KLK1: variants seen among roughly 807,000 people sequenced by gnomAD.
KLK1 encodes kallikrein-1.
KLK1 carries 22 observed loss-of-function variants against 23.3 expected under a neutral mutation model. That is an observed-to-expected ratio of 0.95 (90% CI 0.68 to 1.35). KLK1 has a LOEUF of 1.35. Ranked by LOEUF, KLK1 falls within the 40% of genes most tolerant of loss-of-function variation. The probability of loss-of-function intolerance (pLI) is 0.00; values close to 1 mark genes in which losing one functional copy is unlikely to be tolerated. For synonymous variants in KLK1, 140 were observed against 135.8 expected, an observed-to-expected ratio of 1.03 and a Z score of -0.21; for missense variants, 301 against 338.9, an observed-to-expected ratio of 0.89 and a Z score of 0.88.
intron 4 of KLK1, 22 bp downstream of exon 4, chr19:50,819,877 C>G (rs748891013): frequency 6.2e-7 from 1 of 1,612,308 alleles, no homozygotes; most frequent in South Asian, 1.1e-5. Context: ...CCTTCCAGAC[C>G]CTGGGGGCAG....
At position 50,821,816 on chromosome 19, in the gene KLK1, A is replaced by T; in HGVS notation, c.102T>A (p.His34Gln). The T allele has an allele frequency of 6.2e-7, 1 of 1,613,850 alleles. No homozygotes were observed. The highest frequency in any genetic ancestry group is 8.5e-7 in the Non-Finnish European group (1 of 1,179,940). ...ACAGAGCCGCCTGCCAGGGCTGGGAATGCTGCTCACACTCCCAGCCTCCCA... is the reference window on the plus strand; with the variant it reads ...ACAGAGCCGCCTGCCAGGGCTGGGATTGCTGCTCACACTCCCAGCCTCCCA... ...RIVGGWECEQ[H>Q]SQPWQAALYH... Residue 34 changes from histidine to glutamine, a missense_variant, in exon 2 of 5, where the codon CAT becomes CAA. Coordinates refer to ENST00000301420, the MANE Select transcript of KLK1 (RefSeq NM_002257.4). The surrounding 1 kb of genome is among the most constrained non-coding windows in gnomAD (Gnocchi z 5.6).
At position 50,821,865 on chromosome 19, in the gene KLK1, G is replaced by C; in HGVS notation, c.53C>G (p.Ala18Gly). Reference sequence around the variant, plus strand: ...CACAATCCGGGACTGAATCGGGGGCGCAGCACCTGCAGAGGCGGTGCTGGG... The same window carrying C: ...CACAATCCGGGACTGAATCGGGGGCCCAGCACCTGCAGAGGCGGTGCTGGG... ...LALSLGGTGA[A>G]PPIQSRIVGG... The change falls in exon 2 of 5, where the codon GCG becomes GGG. Residue 18 changes from alanine to glycine, a missense_variant. Coordinates refer to ENST00000301420, the MANE Select transcript of KLK1 (RefSeq NM_002257.4). The surrounding 1 kb of genome is among the most constrained non-coding windows in gnomAD (Gnocchi z 5.6). 1.2e-6 allele frequency: 2 copies of C among 1,607,362 alleles called. No individual in the cohort carries two copies. The highest frequency in any genetic ancestry group is 1.7e-6 in the Non-Finnish European group (2 of 1,176,118).
intron 3 of KLK1, 43 bp downstream of exon 3, chr19:50,820,111 G>A (rs904833036): frequency 1.9e-6 from 3 of 1,604,538 alleles, no homozygotes; most frequent in Non-Finnish European, 2.6e-6. Context: ...GGACGCAGGA[G>A]TCCCCATCCC....
At chr19:50,820,506 G>GTTGGGGCTGGGT in intron 2 of KLK1, 63 bp from the exon 3 acceptor site, 1 of 448,548 alleles carries the variant, frequency 2.2e-6, no homozygotes, top group Non-Finnish European at 4.3e-6. Context: ...TGGGGCAGGG[G>GTTGGGGCTGGGT]AGCATGGGGG....
At chr19:50,822,561 G>C in intron 1 of KLK1, 1 of 985,390 alleles carries the variant, frequency 1.0e-6, no homozygotes, top group Non-Finnish European at 1.2e-6. Flanking sequence ...GAGAGGTTTT[G>C]GGGTCCTTCC....
At chr19:50,820,810 C>G (rs189712927) in intron 2 of KLK1, 61 of 179,058 alleles carry the variant, frequency 3.4e-4, no homozygotes, top group African/African-American at 1.1e-3. Flanking sequence ...GGGAACAGAA[C>G]ACGGAAGGGA....
chr19:50,820,383 A>G lies in KLK1; in HGVS notation c.267T>C (p.Phe89=), dbSNP rs751228241. 2 of 1,613,640 alleles carry G rather than the reference A, an allele frequency of 1.2e-6. No individual in the cohort carries two copies. The highest frequency in any genetic ancestry group is 1.3e-5 in the African/African-American group (1 of 74,826). The change falls in exon 3 of 5, where the codon TTT becomes TTC. Residue 89 remains phenylalanine, a synonymous_variant. Transcript: ENST00000301420. ...NLFDDENTAQ[F]VHVSESFPHP... is the part of the protein sequence containing the mutation. ...GTGGGAAGCTCTCACTGACATGAAC[A>G]AACTGGGCTGTGTTTTCGTCGTCAA...
rs746541339 is a variant in KLK1, at chr19:50,819,252, G to A, written c.731C>T (p.Ala244Val). The change falls in exon 5 of 5, where the codon GCC becomes GTC. Residue 244 changes from alanine (A) to valine (V), a missense_variant. By Grantham distance (64) the Ala-to-Val change is moderately conservative. Coordinates refer to ENST00000301420, the MANE Select transcript of KLK1 (RefSeq NM_002257.4). ...PCGTPNKPSV[A>V]VRVLSYVKWI... ...CTTCACATAAGACAGCACTCTGACG[G>A]CGACAGAAGGCTTATTGGGGGTGCC... is the stretch of plus-strand genomic sequence containing the variant. The A allele has an allele frequency of 1.6e-5, 26 of 1,614,078 alleles. No individual in the cohort carries two copies. In the South Asian group the frequency reaches 2.7e-4, roughly 17 times the overall value.
chr19:50,821,855 A>G lies in KLK1; in HGVS notation c.63T>C (p.Ile21=). The G allele has an allele frequency of 6.2e-7, 1 of 1,610,546 alleles. No homozygotes were observed. Among genetic ancestry groups the G allele is most frequent in the Non-Finnish European group, 8.5e-7 (1 of 1,178,056 alleles). ...SLGGTGAAPP[I]QSRIVGGWEC... ...CCCAGCCTCCCACAATCCGGGACTG[A>G]ATCGGGGGCGCAGCACCTGCAGAGG... The change falls in exon 2 of 5, where the codon ATT becomes ATC. Residue 21 remains isoleucine, a synonymous_variant. Transcript: ENST00000301420. This position sits in a 1 kb window ranked among gnomAD's most constrained non-coding sequence, Gnocchi z 5.6.
chr19:50,822,493 G>A, intron 1 of KLK1: 1 of 985,450 alleles, frequency 1.0e-6, no homozygotes, highest in Non-Finnish European at 1.2e-6. Flanking sequence ...TAGATTTCAG[G>A]GCTTCCTGGT....
chr19:50,819,440 G>C, intron 4 of KLK1, 91 bp from the exon 5 acceptor site: 1 of 1,294,000 alleles, frequency 7.7e-7, no homozygotes, highest in South Asian at 1.4e-5. Flanking sequence ...AGGGCCTCCA[G>C]TGCCCACTCC....
chr19:50,820,403 C>T lies in KLK1; in HGVS notation c.247G>A (p.Asp83Asn), dbSNP rs1255286816. 14 of 1,610,796 alleles carry T rather than the reference C, an allele frequency of 8.7e-6. No individual in the cohort carries two copies. Among genetic ancestry groups the T allele is most frequent in the Admixed American group, 3.4e-5 (2 of 59,546 alleles). The change falls in exon 3 of 5, where the codon GAC (aspartate) becomes AAC (asparagine). Residue 83 changes from aspartate to asparagine, a missense_variant. Physicochemically the swap from Asp to Asn is conservative, Grantham distance 23 (BLOSUM62 1). Transcript: ENST00000301420. ...LWLGRHNLFD[D>N]ENTAQFVHVS... ...TGAACAAACTGGGCTGTGTTTTCGT[C>T]GTCAAACAAGTTGTGGCGACCCAGC... is the stretch of plus-strand genomic sequence containing the variant.
chr19:50,820,189 A>C lies in KLK1; in HGVS notation c.461T>G (p.Leu154Trp). The change falls in exon 3 of 5, where the codon TTG (leucine) becomes TGG (tryptophan). Residue 154 changes from leucine (L) to tryptophan (W), a missense_variant. By Grantham distance (61) the Leu-to-Trp change is moderately conservative. Transcript: ENST00000301420. ...TEEPEVGSTC[L>W]ASGWGSIEPE... ...TTCGATGCTGCCCCAGCCGGAAGCCAAACAGGTGCTCCCCACTTCGGGTTC... is the reference window on the plus strand; with the variant it reads ...TTCGATGCTGCCCCAGCCGGAAGCCCAACAGGTGCTCCCCACTTCGGGTTC... The C allele has an allele frequency of 6.8e-6, 11 of 1,608,148 alleles. No individual in the cohort carries two copies. The highest frequency in any genetic ancestry group is 9.4e-6 in the Non-Finnish European group (11 of 1,175,388).
At chr19:50,823,541 C>T (rs976537204) in intron 1 of KLK1, among the ~76,000 whole-genome samples, 162 bp downstream of exon 1, 5 of 150,414 alleles carry the variant, frequency 3.3e-5, no homozygotes, top group African/African-American at 4.9e-5. Flanking sequence ...AGGGTGGGGC[C>T]GCGCAAGATA....
In KLK1 at chr19:50,820,223, G is replaced by A; in HGVS notation, c.427C>T (p.Pro143Ser). 1.9e-6 allele frequency: 3 copies of A among 1,612,426 alleles called. No individual in the cohort carries two copies. The highest frequency in any genetic ancestry group is 2.5e-6 in the Non-Finnish European group (3 of 1,178,698). ...ITDAVKVVEL[P>S]TEEPEVGSTC... ...CTCCCCACTTCGGGTTCCTCGGTGG[G>A]CAACTCCACGACCTTCACAGCATCT... is the stretch of plus-strand genomic sequence containing the variant. The change falls in exon 3 of 5, where the codon CCC (proline) becomes TCC (serine). Residue 143 changes from proline to serine, a missense_variant. Transcript: ENST00000301420.
At chr19:50,820,653 G>C in intron 2 of KLK1, 2 of 492,554 alleles carry the variant, frequency 4.1e-6, no homozygotes, top group Middle Eastern at 4.8e-4. Flanking sequence ...CAAATGAAGA[G>C]ACAGAGCAAA....
Position 50,820,194 on chromosome 19 carries a change from G to A in KLK1, c.456C>T (p.Thr152=). The A allele has an allele frequency of 6.2e-7, 1 of 1,609,610 alleles. No individual in the cohort carries two copies. Among genetic ancestry groups the A allele is most frequent in the Non-Finnish European group, 8.5e-7 (1 of 1,176,508 alleles). Residue 152 remains threonine (T), a synonymous_variant, in exon 3 of 5, where the codon ACC becomes ACT. Coordinates refer to ENST00000301420, the MANE Select transcript of KLK1 (RefSeq NM_002257.4). ...TGCTGCCCCAGCCGGAAGCCAAACAGGTGCTCCCCACTTCGGGTTCCTCGG... is the reference window on the plus strand; with the variant it reads ...TGCTGCCCCAGCCGGAAGCCAAACAAGTGCTCCCCACTTCGGGTTCCTCGG... The part of the protein sequence containing the change: ...LPTEEPEVGS[T]CLASGWGSIE...
At chr19:50,822,047 C>T in intron 1 of KLK1, 176 bp from the exon 2 acceptor site, 2 of 1,378,036 alleles carry the variant, frequency 1.5e-6, no homozygotes, top group Non-Finnish European at 9.4e-7. Flanking sequence ...GGACTGTTCC[C>T]TGGGCTTTTG....
intron 4 of KLK1, among the ~76,000 whole-genome samples, 198 bp from the exon 5 acceptor site, chr19:50,819,547 C>T (rs2089808788): frequency 6.6e-6 from 1 of 152,198 alleles, no homozygotes; most frequent in African/African-American, 2.4e-5. Flanking sequence ...GCACATGGGG[C>T]AGGGTCCAGG....
Sources: gnomAD v4.1 joint callset for allele counts (sites outside exome capture counted in the v4.1 genomes callset) on GRCh38, gnomAD v4.1.1 for gene constraint, Gnocchi (gnomAD v3.1) non-coding constraint, MANE v1.5 for transcripts, NCBI Gene and HGNC (gene_info 2026-07-23, HGNC 2026-07-21) for gene names.